PIK3AP1: variants seen among roughly 807,000 people sequenced by gnomAD.
PIK3AP1 encodes the protein phosphoinositide-3-kinase adaptor protein 1.
PIK3AP1 carries 21 observed loss-of-function variants against 88.1 expected under a neutral mutation model. The observed-to-expected ratio is 0.24, with a 90% CI of 0.17 to 0.34. The LOEUF is 0.34. Among genes scored for constraint, PIK3AP1 ranks in the 10% least tolerant of loss-of-function variants. The probability of loss-of-function intolerance (pLI) is 1.00; values close to 1 mark genes in which losing one functional copy is unlikely to be tolerated. For missense variants in PIK3AP1, 828 were observed against 1,035.7 expected, an observed-to-expected ratio of 0.80 and a Z score of 2.75; for synonymous variants, 398 against 400.0, an observed-to-expected ratio of 1.00 and a Z score of 0.06.
chr10:96,650,793 G>T (rs1238322872), intron 6 of PIK3AP1, among the ~76,000 whole-genome samples: 1 of 152,226 alleles, frequency 6.6e-6, no homozygotes, highest in African/African-American at 2.4e-5. Flanking sequence ...GGTGAAAAAA[G>T]CTCATACCTC....
Position 96,652,762 on chromosome 10 carries a change from A to G in PIK3AP1, c.648T>C (p.Asp216=). 1.2e-6 allele frequency: 2 copies of G among 1,614,032 alleles called. No individual in the cohort carries two copies. The highest frequency in any genetic ancestry group is 1.7e-6 in the Non-Finnish European group (2 of 1,179,974). The change falls in exon 4 of 17, where the codon GAT becomes GAC. Residue 216 remains aspartate, a synonymous_variant. Transcript: ENST00000339364. ...TGGCTTCCATCCTTACAGAGGGAGA[A>G]TCCTCAGGAGAAAACTCTGCTTCTG... ...VATEAEFSPE[D]SPSVRMEAKV...
chr10:96,689,575 CAAAAAAAAAA>C (rs56828361), intron 2 of PIK3AP1, among the ~76,000 whole-genome samples: 4 of 70,448 alleles, frequency 5.7e-5, no homozygotes, highest in East Asian at 4.5e-4. Flanking sequence ...GACTCTGTCT[CAAAAAAAAAA>C]AAAAAAAAAA....
At chr10:96,629,587 G>T (rs559881613) in intron 8 of PIK3AP1, among the ~76,000 whole-genome samples, 21 of 151,262 alleles carry the variant, frequency 1.4e-4, no homozygotes, top group Admixed American at 4.0e-4. Context: ...ACATAAAAAA[G>T]AAACTCTGGG....
rs1343770633 is a variant in PIK3AP1, at chr10:96,652,785, C to T, written c.625G>A (p.Glu209Lys). The T allele has an allele frequency of 6.2e-7, 1 of 1,614,090 alleles. No homozygotes were observed. The highest frequency in any genetic ancestry group is 8.5e-7 in the Non-Finnish European group (1 of 1,179,984). Residue 209 changes from glutamate (E) to lysine (K), a missense_variant, in exon 4 of 17, where the codon GAA (glutamate) becomes AAA (lysine). By Grantham distance (56) the Glu-to-Lys change is moderately conservative (BLOSUM62 1). Transcript: ENST00000339364. ...RCKLDDRVAT[E>K]AEFSPEDSPS... ...GAATCCTCAGGAGAAAACTCTGCTT[C>T]TGTCGCCACCCTGTCATCCAGCTTA...
rs894382701 is a variant in PIK3AP1 at position 96,706,049 on chromosome 10, T to G, written c.430+3518A>C. On this transcript the variant is annotated intron_variant, in intron 2 of 16. Coordinates refer to ENST00000339364, the MANE Select transcript of PIK3AP1 (RefSeq NM_152309.3). ...GCTGGGACTACAGGCGCCCGCCACC[T>G]CGCCCGACTAATTTTTTGTATTTTT... is the stretch of plus-strand genomic sequence containing the variant. Among the ~76,000 whole-genome samples, 3 of 151,470 alleles carry G rather than the reference T, an allele frequency of 2.0e-5. No homozygotes were observed. In the South Asian group the frequency reaches 6.3e-4, roughly 32 times the overall value.
intron 2 of PIK3AP1, among the ~76,000 whole-genome samples, chr10:96,675,377 T>C (rs1383736586): frequency 6.6e-6 from 1 of 152,150 alleles, no homozygotes; most frequent in Non-Finnish European, 1.5e-5. Context: ...AAACAGAAGT[T>C]GGCCACTGGC....
intron 8 of PIK3AP1, among the ~76,000 whole-genome samples, chr10:96,631,427 A>G (rs74151397): frequency 0.014 from 2,206 of 152,314 alleles, 54 homozygotes; most frequent in African/African-American, 0.05. Context: ...TGAAGGAGCT[A>G]TAAAGAGAAT....
intron 1 of PIK3AP1, among the ~76,000 whole-genome samples, chr10:96,712,997 G>A (rs1219381102): frequency 2.0e-5 from 3 of 152,192 alleles, no homozygotes; most frequent in African/African-American, 7.2e-5. Flanking sequence ...TTTCAATAGG[G>A]TTGGCAAGTG....
At chr10:96,709,150 A>C (rs911633867) in intron 2 of PIK3AP1, among the ~76,000 whole-genome samples, 76 of 150,292 alleles carry the variant, frequency 5.1e-4, no homozygotes, top group African/African-American at 1.8e-3. Context: ...AAAAAAAAAA[A>C]CCCTTTTTTA....
At chr10:96,601,893 T>A (rs937272849) in intron 16 of PIK3AP1, among the ~76,000 whole-genome samples, 1 of 152,222 alleles carries the variant, frequency 6.6e-6, no homozygotes, top group African/African-American at 2.4e-5. Flanking sequence ...TCTGTACTTA[T>A]TCTTTTTTTT....
At chr10:96,646,848 G>A (rs1319183124) in intron 7 of PIK3AP1, among the ~76,000 whole-genome samples, 1 of 152,096 alleles carries the variant, frequency 6.6e-6, no homozygotes, top group East Asian at 1.9e-4. Flanking sequence ...AACTTTTCCT[G>A]GTAAGAAACT....
rs188852307 is a variant in PIK3AP1, at chr10:96,713,072, G to A, written c.14-3089C>T. Among the ~76,000 whole-genome samples the A allele has an allele frequency of 3.4e-3, 521 of 152,260 alleles. 2 individuals are homozygous for A. The highest frequency in any genetic ancestry group is 6.8e-3 in the Middle Eastern group (2 of 294). On this transcript the variant is annotated intron_variant, in intron 1 of 16. Transcript: ENST00000339364. ...TAAGCATAAGAAGAACCCTTAAGAG[G>A]GCAGCTTGGGGCCAGGCCCAGTGGC...
chr10:96,625,051 G>A (rs140668164), intron 10 of PIK3AP1, among the ~76,000 whole-genome samples: 1,873 of 152,270 alleles, frequency 0.012, 13 homozygotes, highest in Middle Eastern at 0.065. Flanking sequence ...ACGGGGAAGC[G>A]GATGGTGCAA....
chr10:96,640,873 G>C (rs1308016021), intron 8 of PIK3AP1, among the ~76,000 whole-genome samples: 1 of 152,026 alleles, frequency 6.6e-6, no homozygotes, highest in Admixed American at 6.6e-5. Flanking sequence ...ATGCTGCCCA[G>C]GCTGGTCTCG....
intron 2 of PIK3AP1, among the ~76,000 whole-genome samples, chr10:96,706,739 A>G (rs1042627198): frequency 9.9e-5 from 15 of 152,106 alleles, no homozygotes; most frequent in African/African-American, 2.2e-4. Context: ...TTTTTTCTAC[A>G]CTGCCAGACT....
At chr10:96,638,088 GAGA>G (rs1204860393) in intron 8 of PIK3AP1, among the ~76,000 whole-genome samples, 6 of 152,194 alleles carry the variant, frequency 3.9e-5, no homozygotes, top group African/African-American at 1.4e-4. Context: ...TTTTGCATGT[GAGA>G]AGGACACAAA....
Position 96,709,979 on chromosome 10 carries a change from C to A in PIK3AP1, c.18G>T (p.Val6=). 2 of 1,577,064 alleles carry A rather than the reference C, an allele frequency of 1.3e-6. No homozygotes were observed. The highest frequency in any genetic ancestry group is 1.7e-6 in the Non-Finnish European group (2 of 1,155,768). The change falls in exon 2 of 17, where the codon GTG becomes GTT. Residue 6 remains valine, a synonymous_variant. Transcript: ENST00000339364. The stretch of plus-strand genomic sequence containing the variant: ...CGATGAGGATGTCGCATCCTCTGGG[C>A]ACCCCTGGACAAGAATGAGGCACAG... MAASG[V]PRGCDILIVY... is the part of the protein sequence containing the mutation.
At position 96,673,365 on chromosome 10, in the gene PIK3AP1, A is replaced by G. The variant is rs1169727476; in HGVS notation, c.431-16431T>C. ...TTTATCAGGATCCTTAGGGAGCACT[A>G]TCCAACCTGTATCCCATCTCCACAC... On this transcript the variant is annotated intron_variant, in intron 2 of 16. Coordinates refer to ENST00000339364, the MANE Select transcript of PIK3AP1 (RefSeq NM_152309.3). Among the ~76,000 whole-genome samples, 6 of 152,284 alleles carry G rather than the reference A, an allele frequency of 3.9e-5. No individual in the cohort carries two copies. The East Asian group carries it at 9.7e-4, about 24-fold the overall frequency.
intron 8 of PIK3AP1, among the ~76,000 whole-genome samples, chr10:96,645,024 T>C (rs1050059911): frequency 6.6e-6 from 1 of 152,214 alleles, no homozygotes; most frequent in Non-Finnish European, 1.5e-5. Context: ...GGTGCAGGCA[T>C]GTTTGAGTAT....
Sources: gnomAD v4.1 joint callset for allele counts (sites outside exome capture counted in the v4.1 genomes callset) on GRCh38, gnomAD v4.1.1 for gene constraint, MANE v1.5 for transcripts, NCBI Gene and HGNC (gene_info 2026-07-23, HGNC 2026-07-21) for gene names.